The following ZNF407 variants were observed in gnomAD, a reference collection of about 807,000 sequenced individuals.
ZNF407 encodes zinc finger protein 407.
ZNF407 carries 17 observed loss-of-function variants against 131.2 expected under a neutral mutation model. The ratio of observed to expected loss-of-function variants is 0.13; its 90% CI spans 0.09 to 0.19. The LOEUF is 0.19. Ranked by LOEUF, ZNF407 falls within the 10% of genes least tolerant of loss-of-function variation. The probability of loss-of-function intolerance (pLI) is 1.00; values close to 1 mark genes in which losing one functional copy is unlikely to be tolerated. For missense variants in ZNF407, 2,681 were observed against 2,830.6 expected, an observed-to-expected ratio of 0.95 and a Z score of 1.20; for synonymous variants, 1,156 against 1,062.0, an observed-to-expected ratio of 1.09 and a Z score of -1.72.
chr18:74,657,941 C>T (rs879593264), intron 3 of ZNF407, among the ~76,000 whole-genome samples: 10 of 142,800 alleles, frequency 7.0e-5, no homozygotes, highest in Non-Finnish European at 1.4e-4. Context: ...CTTCTCCCTC[C>T]TTTCTTTTTT....
At chr18:75,013,521 A>G (rs910621661) in intron 8 of ZNF407, among the ~76,000 whole-genome samples, 1 of 152,152 alleles carries the variant, frequency 6.6e-6, no homozygotes, top group Admixed American at 6.5e-5. Flanking sequence ...TTACCAGAGG[A>G]AAGAAAGGCA....
Position 74,635,935 on chromosome 18 carries a change from T to G in ZNF407, c.4687+229T>G, listed in dbSNP as rs1168874351. 6.6e-6 allele frequency among the ~76,000 whole-genome samples: 1 copy of G among 152,196 alleles called. No homozygotes were observed. The highest frequency in any genetic ancestry group is 1.5e-5 in the Non-Finnish European group (1 of 68,034). ...AGGTTAGCTGACAAGTTTCTTTTAATTTTGTCAAAAAGCCTAGTCCCTCTG... is the reference window on the plus strand; with the variant it reads ...AGGTTAGCTGACAAGTTTCTTTTAAGTTTGTCAAAAAGCCTAGTCCCTCTG... On this transcript the variant is annotated intron_variant, in intron 2 of 8. Transcript: ENST00000299687. This position sits in a 1 kb window ranked among gnomAD's most constrained non-coding sequence, Gnocchi z 4.7.
chr18:74,715,455 C>T (rs530623605), intron 3 of ZNF407, among the ~76,000 whole-genome samples: 4 of 152,228 alleles, frequency 2.6e-5, no homozygotes, highest in South Asian at 2.1e-4. Flanking sequence ...GCAGTGCGAG[C>T]GGTGGTGGAG....
chr18:74,685,524 ATTG>A (rs1967077395), intron 3 of ZNF407, among the ~76,000 whole-genome samples: 1 of 152,136 alleles, frequency 6.6e-6, no homozygotes, highest in Non-Finnish European at 1.5e-5. Context: ...TGCTCAGCAC[ATTG>A]TTGTACTGTG....
At position 74,602,786 on chromosome 18, in the gene ZNF407, A is replaced by AT. The variant is rs571658815; in HGVS notation, c.-54+4857dup. 2.8e-3 allele frequency among the ~76,000 whole-genome samples: 433 copies of AT among 152,132 alleles called. 5 individuals carry two copies. The highest frequency in any genetic ancestry group is 7.4e-3 in the African/African-American group (307 of 41,510). On this transcript the variant is annotated intron_variant, in intron 1 of 8. Transcript: ENST00000299687. ...GTATTTTAGCATTGATTCATTCAAC[A>AT]TTTTTTTTAGCTCCTCTTATGTCCA...
intron 3 of ZNF407, among the ~76,000 whole-genome samples, chr18:74,658,380 G>A (rs369345685): frequency 6.6e-6 from 1 of 152,126 alleles, no homozygotes; most frequent in Non-Finnish European, 1.5e-5. Flanking sequence ...GCCTCCCAAA[G>A]TGTGGGATTA....
intron 4 of ZNF407, among the ~76,000 whole-genome samples, chr18:74,876,992 G>A (rs959200863): frequency 5.9e-5 from 9 of 152,198 alleles, no homozygotes; most frequent in Admixed American, 1.3e-4. Flanking sequence ...GGGCCCAACC[G>A]CAAAGCAGAG....
At chr18:74,657,900 CTTTCTT>C (rs1057090323) in intron 3 of ZNF407, among the ~76,000 whole-genome samples, 10 of 112,750 alleles carry the variant, frequency 8.9e-5, no homozygotes, top group African/African-American at 4.4e-4. Flanking sequence ...TCTCCTTTTC[CTTTCTT>C]CTTCTTCTTC....
chr18:74,690,185 A>G (rs955073841), intron 3 of ZNF407, among the ~76,000 whole-genome samples: 3 of 152,208 alleles, frequency 2.0e-5, no homozygotes, highest in Admixed American at 6.5e-5. Context: ...TTTCTTTGTT[A>G]AATTATGTCA....
chr18:74,829,187 T>C (rs1970449587), intron 4 of ZNF407, among the ~76,000 whole-genome samples: 1 of 152,100 alleles, frequency 6.6e-6, no homozygotes, highest in African/African-American at 2.4e-5. Context: ...TAAAAGGAAA[T>C]AGAGATGGTC....
At chr18:75,034,301 T>G (rs961287145) in intron 8 of ZNF407, among the ~76,000 whole-genome samples, 140 of 61,400 alleles carry the variant, frequency 2.3e-3, no homozygotes, top group Non-Finnish European at 4.5e-3. Flanking sequence ...CTGTGTTGGG[T>G]TTTTTTTTTT....
At chr18:74,824,299 A>G (rs758486611) in intron 4 of ZNF407, among the ~76,000 whole-genome samples, 8 of 152,222 alleles carry the variant, frequency 5.3e-5, no homozygotes, top group Non-Finnish European at 1.0e-4. Flanking sequence ...CAAAATTAAA[A>G]TAACTAAGGA....
intron 8 of ZNF407, among the ~76,000 whole-genome samples, chr18:75,058,600 C>T (rs553391504): frequency 6.6e-6 from 1 of 152,226 alleles, no homozygotes; most frequent in African/African-American, 2.4e-5. Flanking sequence ...CATCCATGCC[C>T]CATTAAGGCT....
intron 3 of ZNF407, among the ~76,000 whole-genome samples, chr18:74,777,538 A>G (rs8089145): frequency 0.13 from 19,838 of 152,014 alleles, 2,273 homozygotes; most frequent in African/African-American, 0.31. Context: ...AAAACAGCTC[A>G]ATTTCTCTTA....
chr18:75,037,585 C>G (rs1973324151), intron 8 of ZNF407, among the ~76,000 whole-genome samples: 1 of 152,040 alleles, frequency 6.6e-6, no homozygotes, highest in African/African-American at 2.4e-5. Flanking sequence ...CAGAGTTCCA[C>G]AGAGCTAATG....
intron 8 of ZNF407, chr18:75,062,085 C>T (rs1683733229): frequency 6.6e-6 from 1 of 152,218 alleles, no homozygotes; most frequent in African/African-American, 2.4e-5. Context: ...TCCTAACAGC[C>T]CGAGCCTTCC....
chr18:74,886,700 T>G, intron 6 of ZNF407, among the ~76,000 whole-genome samples: 1 of 152,290 alleles, frequency 6.6e-6, no homozygotes, highest in African/African-American at 2.4e-5. Flanking sequence ...AAATGCTAAC[T>G]AATATAATAG....
At chr18:74,744,481 A>G (rs1968621836) in intron 3 of ZNF407, among the ~76,000 whole-genome samples, 2 of 152,196 alleles carry the variant, frequency 1.3e-5, no homozygotes, top group Non-Finnish European at 2.9e-5. Context: ...GTTGGCAGAG[A>G]TATCAATAGT....
At chr18:74,673,710 T>C (rs746893857) in intron 3 of ZNF407, among the ~76,000 whole-genome samples, 18 of 152,250 alleles carry the variant, frequency 1.2e-4, no homozygotes, top group Non-Finnish European at 2.5e-4. Flanking sequence ...GGGTTAGCTT[T>C]AGTAGAAAAA....
Sources: allele counts gnomAD v4.1 joint callset (sites outside exome capture counted in the v4.1 genomes callset), GRCh38; gene constraint gnomAD v4.1.1; non-coding constraint Gnocchi (gnomAD v3.1); transcripts MANE v1.5; gene names NCBI Gene and HGNC (gene_info 2026-07-23, HGNC 2026-07-21).